CAST: variants seen among roughly 807,000 people sequenced by gnomAD.
CAST encodes calpastatin, also known as MIR583 host.
In CAST, 76 loss-of-function variants were observed where a neutral mutation model predicts 119.6. The ratio of observed to expected loss-of-function variants is 0.64; its 90% confidence interval spans 0.53 to 0.77. The LOEUF is 0.77. CAST is among the 30% of genes least tolerant of loss of function. The pLI is 0.00. For missense variants in CAST, 953 were observed against 946.5 expected, an observed-to-expected ratio of 1.01 and a Z score of -0.09; for synonymous variants, 319 against 331.6, an observed-to-expected ratio of 0.96 and a Z score of 0.41.
chr5:96,218,145 A>C, the CAST span, among the ~76,000 whole-genome samples: 2 of 152,296 alleles, frequency 1.3e-5, no homozygotes, highest in South Asian at 4.1e-4. Context: ...ATTACAGTCT[A>C]TCGTTTTTAG....
At chr5:96,455,519 G>A in the CAST span, among the ~76,000 whole-genome samples, 4 of 152,188 alleles carry the variant, frequency 2.6e-5, no homozygotes, top group Admixed American at 2.0e-4. Context: ...AGAATAAGCA[G>A]GAAATCCATT....
At chr5:95,966,151 C>T in the CAST span, among the ~76,000 whole-genome samples, 1 of 151,896 alleles carries the variant, frequency 6.6e-6, no homozygotes, top group Non-Finnish European at 1.5e-5. Flanking sequence ...AAATAGAGGA[C>T]CTGAATTGAA....
At chr5:96,313,711 A>T in the CAST span, among the ~76,000 whole-genome samples, 1 of 152,182 alleles carries the variant, frequency 6.6e-6, no homozygotes, top group Non-Finnish European at 1.5e-5. Flanking sequence ...CATTTTCCCA[A>T]TGTGGAAATC....
chr5:96,649,995 G>C (rs1342096783), intron 1 of CAST, among the ~76,000 whole-genome samples: 1 of 152,190 alleles, frequency 6.6e-6, no homozygotes, highest in Non-Finnish European at 1.5e-5. Context: ...AACCTCATAA[G>C]TTAGATATTA....
At chr5:96,417,805 C>T in the CAST span, among the ~76,000 whole-genome samples, 1 of 152,214 alleles carries the variant, frequency 6.6e-6, no homozygotes, top group East Asian at 1.9e-4. Context: ...GTGCACACAT[C>T]TGAACATACA....
the CAST span, among the ~76,000 whole-genome samples, chr5:96,127,372 G>C: frequency 1.3e-5 from 2 of 152,056 alleles, no homozygotes; most frequent in Non-Finnish European, 2.9e-5. Context: ...TGATAATTCA[G>C]ACAGGTGGTG....
chr5:96,517,994 T>G, the CAST span, among the ~76,000 whole-genome samples: 9 of 152,198 alleles, frequency 5.9e-5, no homozygotes, highest in African/African-American at 2.2e-4. Context: ...AACTGAAACA[T>G]AGAGAAGTTA....
intron 3 of CAST, among the ~76,000 whole-genome samples, chr5:96,713,279 G>A (rs1472393286): frequency 4.6e-5 from 7 of 151,806 alleles, no homozygotes; most frequent in South Asian, 2.1e-4. Context: ...CTACAGGCAC[G>A]TGCCACCATG....
the CAST span, among the ~76,000 whole-genome samples, chr5:96,103,086 A>T: frequency 1.3e-5 from 2 of 152,188 alleles, no homozygotes; most frequent in African/African-American, 4.8e-5. Context: ...AAAGGTGGAT[A>T]CAAAATCAAT....
the CAST span, among the ~76,000 whole-genome samples, chr5:95,962,518 A>G: frequency 3.9e-5 from 6 of 152,272 alleles, no homozygotes; most frequent in African/African-American, 1.4e-4. Flanking sequence ...AAAAACAAAA[A>G]CAAAAACCCT....
At chr5:96,071,925 G>A in the CAST span, among the ~76,000 whole-genome samples, 2 of 151,946 alleles carry the variant, frequency 1.3e-5, no homozygotes, top group Non-Finnish European at 1.5e-5. Flanking sequence ...GAAGCTGACC[G>A]GTACATGGGT....
At chr5:96,355,886 T>A in the CAST span, among the ~76,000 whole-genome samples, 1 of 151,948 alleles carries the variant, frequency 6.6e-6, no homozygotes, top group African/African-American at 2.4e-5. Context: ...ATTTTTAGTA[T>A]AGATGGGGTT....
chr5:96,366,156 C>T, the CAST span, among the ~76,000 whole-genome samples: 1 of 152,142 alleles, frequency 6.6e-6, no homozygotes, highest in African/African-American at 2.4e-5. Context: ...AATATTGGCC[C>T]CCACCCTCTT....
chr5:96,702,652 A>G, intron 3 of CAST: 1 of 456,826 alleles, frequency 2.2e-6, no homozygotes. Context: ...TGCGTTATTG[A>G]GTGAGCCAGT....
chr5:96,687,740 A>G (rs540649766), intron 2 of CAST, among the ~76,000 whole-genome samples: 1 of 152,364 alleles, frequency 6.6e-6, no homozygotes, highest in East Asian at 1.9e-4. Context: ...AACTATTTAT[A>G]GGAAACTGAG....
chr5:96,363,227 G>T, the CAST span, among the ~76,000 whole-genome samples: 2 of 149,180 alleles, frequency 1.3e-5, no homozygotes, highest in Non-Finnish European at 3.0e-5. Context: ...ATGCTGTTTT[G>T]GTTACTGTAG....
At chr5:96,004,529 A>G in the CAST span, among the ~76,000 whole-genome samples, 2 of 152,188 alleles carry the variant, frequency 1.3e-5, no homozygotes, top group African/African-American at 4.8e-5. Flanking sequence ...TGGTAATTAA[A>G]TGGGGAGACA....
intron 1 of CAST, among the ~76,000 whole-genome samples, chr5:96,672,598 T>C (rs576452162): frequency 2.0e-5 from 3 of 149,704 alleles, no homozygotes; most frequent in African/African-American, 7.4e-5. Context: ...TCCCAGCTAC[T>C]TGGGAGGCTG....
At chr5:96,266,083 T>C in the CAST span, among the ~76,000 whole-genome samples, 1,077 of 152,216 alleles carry the variant, frequency 7.1e-3, 11 homozygotes, top group African/African-American at 0.025. Context: ...CTTCTTCCCA[T>C]ATAAAACAAA....
Sources: gnomAD v4.1 joint callset for allele counts (sites outside exome capture counted in the v4.1 genomes callset) on GRCh38, gnomAD v4.1.1 for gene constraint, MANE v1.5 for transcripts, NCBI Gene and HGNC (gene_info 2026-07-23, HGNC 2026-07-21) for gene names.